Variants in GBE1 observed in about 807,000 individuals in gnomAD.
The protein encoded by GBE1 is 1,4-alpha-glucan branching enzyme 1.
In GBE1, 70 loss-of-function variants were observed where a neutral mutation model predicts 88.8. The ratio of observed to expected loss-of-function variants is 0.79; its 90% confidence interval spans 0.65 to 0.96. The LOEUF (loss-of-function observed/expected upper bound fraction) is 0.96, where lower values mean the gene tolerates loss of function less well. Ranked by LOEUF, GBE1 falls within the 40% of genes least tolerant of loss-of-function variation. The pLI, the probability that GBE1 is intolerant of heterozygous loss-of-function variation, is 0.00. For missense variants in GBE1, 872 were observed against 871.0 expected, an observed-to-expected ratio of 1.00 and a Z score of -0.01; for synonymous variants, 284 against 300.1, an observed-to-expected ratio of 0.95 and a Z score of 0.56.
intron 2 of GBE1, among the ~76,000 whole-genome samples, chr3:81,679,613 G>A (rs1459279489): frequency 1.3e-5 from 2 of 152,110 alleles, no homozygotes; most frequent in African/African-American, 4.8e-5. Flanking sequence ...TTTCATTATT[G>A]TTCTAGCTGT....
At chr3:81,620,483 T>C (rs947041553) in intron 7 of GBE1, among the ~76,000 whole-genome samples, 1 of 152,188 alleles carries the variant, frequency 6.6e-6, no homozygotes, top group Non-Finnish European at 1.5e-5. Context: ...CCAAAATTAA[T>C]GGCAGACCAT....
intron 3 of GBE1, among the ~76,000 whole-genome samples, chr3:81,664,186 G>A (rs1234118917): frequency 6.6e-6 from 1 of 152,112 alleles, no homozygotes; most frequent in Non-Finnish European, 1.5e-5. Flanking sequence ...TTTCAACTAA[G>A]ATGAGAAGCA....
chr3:81,537,098 G>A lies in GBE1; in HGVS notation c.1619-3C>T, dbSNP rs1256116852. 4.0e-6 allele frequency: 6 copies of A among 1,496,854 alleles called. No homozygotes were observed. Among genetic ancestry groups the A allele is most frequent in the South Asian group, 1.4e-5 (1 of 71,132 alleles). 92.7% of individuals were successfully genotyped at this position (1,496,854 alleles called of 1,614,324 possible). ...TTCAGGATGCCCAAATTCATTACCTGCATTACAAAACACATGCAAATATCA... is the reference window on the plus strand; with the variant it reads ...TTCAGGATGCCCAAATTCATTACCTACATTACAAAACACATGCAAATATCA... On this transcript the variant is annotated splice_region_variant and splice_polypyrimidine_tract_variant and intron_variant, in intron 12 of 15. Transcript: ENST00000429644.
At chr3:81,713,040 A>G (rs923904909) in intron 1 of GBE1, among the ~76,000 whole-genome samples, 6 of 152,206 alleles carry the variant, frequency 3.9e-5, no homozygotes, top group Non-Finnish European at 8.8e-5. Flanking sequence ...CAGGATAAAC[A>G]TATTTATTGT....
chr3:81,618,617 C>T (rs771272851), intron 7 of GBE1, among the ~76,000 whole-genome samples: 13 of 152,118 alleles, frequency 8.5e-5, no homozygotes, highest in Non-Finnish European at 1.5e-4. Flanking sequence ...TGTTTCCTCA[C>T]ATGCCGTTTC....
intron 7 of GBE1, among the ~76,000 whole-genome samples, chr3:81,599,465 G>A (rs1279215994): frequency 6.6e-6 from 1 of 152,094 alleles, no homozygotes; most frequent in Non-Finnish European, 1.5e-5. Context: ...AACTTAGATG[G>A]GAGAGCCTAC....
chr3:81,750,631 GTATATATA>G (rs1421769991), intron 1 of GBE1, among the ~76,000 whole-genome samples: 94 of 26,098 alleles, frequency 3.6e-3, no homozygotes, highest in East Asian at 0.027. Context: ...ATATATATAC[GTATATATA>G]TATATGTATA....
At chr3:81,621,924 T>A (rs1285066520) in intron 7 of GBE1, among the ~76,000 whole-genome samples, 1 of 152,142 alleles carries the variant, frequency 6.6e-6, no homozygotes, top group Non-Finnish European at 1.5e-5. Flanking sequence ...TCTACCTCTT[T>A]CCCTGCAAAA....
chr3:81,577,847 A>T (rs1334885727), intron 12 of GBE1, 78 bp downstream of exon 12: 2 of 1,215,142 alleles, frequency 1.6e-6, no homozygotes, highest in African/African-American at 3.2e-5. Flanking sequence ...AAGCCAAATC[A>T]AAATATTCTA....
At chr3:81,656,224 G>A (rs780370265) in intron 3 of GBE1, among the ~76,000 whole-genome samples, 109 of 152,124 alleles carry the variant, frequency 7.2e-4, no homozygotes, top group Non-Finnish European at 1.4e-3. Context: ...TGTGATTAAA[G>A]TACAAATCTG....
intron 7 of GBE1, among the ~76,000 whole-genome samples, chr3:81,613,268 G>A (rs191808483): frequency 5.9e-5 from 9 of 151,848 alleles, no homozygotes; most frequent in East Asian, 5.8e-4. Flanking sequence ...CAGGAAAAGA[G>A]TCTCTACCCC....
intron 7 of GBE1, among the ~76,000 whole-genome samples, chr3:81,610,117 C>T (rs1236322451): frequency 6.6e-6 from 1 of 152,138 alleles, no homozygotes; most frequent in Admixed American, 6.6e-5. Flanking sequence ...AATTATCTTA[C>T]TTTTCCAACT....
At chr3:81,492,412 C>T (rs997183574) in intron 15 of GBE1, among the ~76,000 whole-genome samples, 1 of 151,638 alleles carries the variant, frequency 6.6e-6, no homozygotes, top group African/African-American at 2.4e-5. Context: ...AGACCCAGTC[C>T]AAAGGAGGGC....
chr3:81,596,032 T>A (rs1703952104), intron 7 of GBE1, among the ~76,000 whole-genome samples: 1 of 151,940 alleles, frequency 6.6e-6, no homozygotes. Flanking sequence ...ACTACAAGAT[T>A]AAAGTGATAA....
chr3:81,665,472 C>A (rs778132628), intron 3 of GBE1, among the ~76,000 whole-genome samples: 27 of 149,634 alleles, frequency 1.8e-4, no homozygotes, highest in Non-Finnish European at 3.4e-4. Context: ...GGAGGCAGAG[C>A]TTGCAGTGAG....
intron 15 of GBE1, among the ~76,000 whole-genome samples, chr3:81,493,072 T>C (rs970654979): frequency 1.3e-5 from 2 of 152,180 alleles, no homozygotes; most frequent in Non-Finnish European, 2.9e-5. Flanking sequence ...TCACAGTAAC[T>C]GGATTTAACT....
intron 14 of GBE1, among the ~76,000 whole-genome samples, chr3:81,502,289 G>T (rs1246112977): frequency 6.6e-6 from 1 of 152,114 alleles, no homozygotes; most frequent in Non-Finnish European, 1.5e-5. Context: ...CACTGAAAGA[G>T]ATCATCATAT....
chr3:81,557,396 G>C (rs543676942), intron 12 of GBE1, among the ~76,000 whole-genome samples: 26 of 150,604 alleles, frequency 1.7e-4, no homozygotes, highest in African/African-American at 6.1e-4. Context: ...ACAAATAAAA[G>C]GAACAACTAA....
intron 3 of GBE1, among the ~76,000 whole-genome samples, chr3:81,653,343 C>T (rs569183063): frequency 6.3e-4 from 95 of 151,972 alleles, no homozygotes; most frequent in African/African-American, 2.1e-3. Flanking sequence ...CTAAATTAAA[C>T]GGCATGATGA....
Sources: allele counts gnomAD v4.1 joint callset (sites outside exome capture counted in the v4.1 genomes callset), GRCh38; gene constraint gnomAD v4.1.1; transcripts MANE v1.5; gene names NCBI Gene and HGNC (gene_info 2026-07-23, HGNC 2026-07-21).